ABCA1: variants seen among roughly 807,000 people sequenced by gnomAD.
The protein encoded by ABCA1 is phospholipid-transporting ATPase ABCA1.
Under a neutral mutation model 262.5 loss-of-function variants are expected in ABCA1, and 133 were observed. That is an observed-to-expected ratio of 0.51 (90% confidence interval 0.44 to 0.59). The LOEUF is 0.59. ABCA1 is among the 20% of genes least tolerant of loss of function. The pLI is 0.00. For synonymous variants in ABCA1, 1,022 were observed against 1,043.5 expected (o/e 0.98, Z 0.40); for missense variants, 2,452 against 2,777.5 (o/e 0.88, Z 2.63).
rs1343120030 is a variant in ABCA1, at chr9:104,817,385, C to T, written c.3482G>A (p.Ser1161Asn). ...GCTGCCCAGGCCAGCATCAGAACTG[C>T]TCTGAGAAACACTGTCCTCCTGATG... ...YLKKEDSVSQ[S>N]SSDAGLGSDH... The change falls in exon 24 of 50, where the codon AGC becomes AAC. Residue 1161 changes from serine to asparagine, a missense_variant. Physicochemically the swap from Ser to Asn is conservative, Grantham distance 46. Transcript: ENST00000374736. The surrounding 1 kb of genome is among the most constrained non-coding windows in gnomAD (Gnocchi z 4.7). 3.7e-6 allele frequency: 6 copies of T among 1,614,234 alleles called. No homozygotes were observed. Among genetic ancestry groups the T allele is most frequent in the Non-Finnish European group, 4.2e-6 (5 of 1,180,044 alleles).
intron 1 of ABCA1, among the ~76,000 whole-genome samples, chr9:104,915,672 T>C (rs1841802997): frequency 6.6e-6 from 1 of 152,188 alleles, no homozygotes; most frequent in South Asian, 2.1e-4. Context: ...TCAAACATTC[T>C]GTGTGCCAAA....
At chr9:104,907,200 T>C (rs956761715) in intron 1 of ABCA1, among the ~76,000 whole-genome samples, 12 of 152,196 alleles carry the variant, frequency 7.9e-5, no homozygotes, top group African/African-American at 2.9e-4. Context: ...CCACTGGGAC[T>C]TCACTGGTGA....
chr9:104,886,981 G>T (rs1479945541), intron 3 of ABCA1, among the ~76,000 whole-genome samples: 2 of 152,222 alleles, frequency 1.3e-5, no homozygotes, highest in African/African-American at 4.8e-5. Flanking sequence ...AAGGTTGCAA[G>T]AAGTGCATGG....
chr9:104,854,119 C>T (rs1222887011), intron 7 of ABCA1, among the ~76,000 whole-genome samples: 5 of 152,226 alleles, frequency 3.3e-5, no homozygotes, highest in Non-Finnish European at 2.9e-5. Context: ...ACTCAACCCA[C>T]TTGTGGGAGA....
chr9:104,820,531 C>A (rs1832229888), intron 20 of ABCA1, among the ~76,000 whole-genome samples: 1 of 152,138 alleles, frequency 6.6e-6, no homozygotes, highest in African/African-American at 2.4e-5. Context: ...GCACATGAGC[C>A]CCAGCTGTTC....
intron 1 of ABCA1, among the ~76,000 whole-genome samples, chr9:104,909,958 G>T (rs1841400007): frequency 6.6e-6 from 1 of 152,202 alleles, no homozygotes; most frequent in Non-Finnish European, 1.5e-5. Flanking sequence ...AGTGAGGAAA[G>T]AAAGTGCATG....
chr9:104,787,400 G>A (rs1829024035), intron 46 of ABCA1, among the ~76,000 whole-genome samples: 1 of 151,062 alleles, frequency 6.6e-6, no homozygotes, highest in Non-Finnish European at 1.5e-5. Flanking sequence ...TATTGCAACT[G>A]TTAGCCTTAC....
intron 2 of ABCA1, among the ~76,000 whole-genome samples, chr9:104,900,361 GCT>G (rs1840566048): frequency 6.6e-6 from 1 of 152,164 alleles, no homozygotes; most frequent in East Asian, 1.9e-4. Flanking sequence ...TCTGTGCTGG[GCT>G]CTGAGGCCAA....
intron 5 of ABCA1, among the ~76,000 whole-genome samples, chr9:104,865,548 T>G (rs1219768533): frequency 6.6e-6 from 1 of 151,740 alleles, no homozygotes; most frequent in African/African-American, 2.4e-5. Context: ...TAATAAAATT[T>G]TTCAGGTGAT....
At chr9:104,858,804 G>A in intron 6 of ABCA1, 106 bp from the exon 7 acceptor site, 1 of 1,171,704 alleles carries the variant, frequency 8.5e-7, no homozygotes. Flanking sequence ...CAGCTTTGAA[G>A]ATCTTAAAAC....
intron 8 of ABCA1, among the ~76,000 whole-genome samples, chr9:104,842,196 A>C (rs1221017919): frequency 2.6e-5 from 4 of 152,156 alleles, no homozygotes; most frequent in Non-Finnish European, 5.9e-5. Context: ...TTTTCTCCAG[A>C]GAGGGGGCAT....
At chr9:104,919,584 C>G (rs1267579762) in intron 1 of ABCA1, among the ~76,000 whole-genome samples, 1 of 151,734 alleles carries the variant, frequency 6.6e-6, no homozygotes, top group Non-Finnish European at 1.5e-5. Context: ...TGCACTCCAG[C>G]CTGGGCAACA....
At chr9:104,904,018 T>C (rs947516606) in intron 1 of ABCA1, among the ~76,000 whole-genome samples, 7 of 152,182 alleles carry the variant, frequency 4.6e-5, no homozygotes, top group African/African-American at 1.7e-4. Context: ...TTTAGTTCTA[T>C]AGATGTTATC....
At chr9:104,814,066 GAGAATTTCACATTCAAAC>G in intron 27 of ABCA1, 34 bp downstream of exon 27, 1 of 1,567,998 alleles carries the variant, frequency 6.4e-7, no homozygotes, top group Non-Finnish European at 8.8e-7. Context: ...GAGCATGAGA[GAGAATTTCACATTCAAAC>G]AGTAGGACAC....
In ABCA1 at chr9:104,784,174, T is replaced by C; in HGVS notation, c.*141A>G. 2 of 1,064,094 alleles carry C rather than the reference T, an allele frequency of 1.9e-6. No individual in the cohort carries two copies. Among genetic ancestry groups the C allele is most frequent in the Middle Eastern group, 2.1e-4 (1 of 4,752 alleles). The allele number at this position is 1,064,094 out of a possible 1,614,324, so 65.9% of individuals were successfully genotyped here. On this transcript the variant is annotated 3_prime_UTR_variant, in exon 50 of 50. Transcript: ENST00000374736. ...TTGTTTTCATTGCATTGAATTGCATTGCATTGAATAGTATCAGTACAGTAT... is the reference window on the plus strand; with the variant it reads ...TTGTTTTCATTGCATTGAATTGCATCGCATTGAATAGTATCAGTACAGTAT...
At chr9:104,901,200 T>TA (rs2118417408) in intron 2 of ABCA1, among the ~76,000 whole-genome samples, 1 of 151,986 alleles carries the variant, frequency 6.6e-6, no homozygotes, top group Admixed American at 6.6e-5. Context: ...TGCAAAAAAA[T>TA]AAAAAATAAA....
At chr9:104,900,563 A>G (rs1840586158) in intron 2 of ABCA1, among the ~76,000 whole-genome samples, 1 of 152,194 alleles carries the variant, frequency 6.6e-6, no homozygotes, top group African/African-American at 2.4e-5. Context: ...TAATCTAGAA[A>G]TCTAAGCCAG....
intron 1 of ABCA1, among the ~76,000 whole-genome samples, chr9:104,924,611 GAAA>G (rs34450679): frequency 9.8e-6 from 1 of 102,488 alleles, no homozygotes; most frequent in Admixed American, 9.5e-5. Flanking sequence ...CTCCATCTCA[GAAA>G]AAAAAAAAAA....
Position 104,831,117 on chromosome 9 carries a change from A to G in ABCA1, c.1716-16T>C, listed in dbSNP as rs1250828149. ...GTCCCAGTACCTAAAACCAAACCAC[A>G]GGTAATCAACCATTCCTTTAGAACC... On this transcript the variant is annotated splice_polypyrimidine_tract_variant and intron_variant, in intron 13 of 49. Transcript: ENST00000374736. The G allele has an allele frequency of 1.3e-6, 2 of 1,587,392 alleles. No individual in the cohort carries two copies. Among genetic ancestry groups the G allele is most frequent in the Non-Finnish European group, 1.7e-6 (2 of 1,163,010 alleles).
Sources: gnomAD v4.1 joint callset for allele counts (sites outside exome capture counted in the v4.1 genomes callset) on GRCh38, gnomAD v4.1.1 for gene constraint, Gnocchi (gnomAD v3.1) non-coding constraint, MANE v1.5 for transcripts, NCBI Gene and HGNC (gene_info 2026-07-23, HGNC 2026-07-21) for gene names.